RAB5IF: variants seen among roughly 807,000 people sequenced by gnomAD.
RAB5IF encodes the protein RAB5 interacting factor, also known as GEL complex subunit OPTI.
A neutral mutation model predicts 20.3 loss-of-function variants in RAB5IF; 15 were observed. The ratio of observed to expected loss-of-function variants is 0.74; its 90% CI spans 0.50 to 1.14. The LOEUF is 1.14. Among genes scored for constraint, RAB5IF ranks in the 50% most tolerant of loss-of-function variants. The probability of loss-of-function intolerance (pLI) is 0.00; values close to 1 mark genes in which losing one functional copy is unlikely to be tolerated. For missense variants in RAB5IF, 148 were observed against 159.5 expected, an observed-to-expected ratio of 0.93 and a Z score of 0.39; for synonymous variants, 67 against 63.7, an observed-to-expected ratio of 1.05 and a Z score of -0.25.
At chr20:36,610,944 T>A (rs1383494777) in intron 3 of RAB5IF, among the ~76,000 whole-genome samples, 1 of 152,160 alleles carries the variant, frequency 6.6e-6, no homozygotes, top group Non-Finnish European at 1.5e-5. Context: ...TGTTTTGGAA[T>A]CAGTGGTGAT....
At chr20:36,606,981 A>C (rs2038949833) in intron 1 of RAB5IF, among the ~76,000 whole-genome samples, 1 of 152,228 alleles carries the variant, frequency 6.6e-6, no homozygotes, top group Non-Finnish European at 1.5e-5. Flanking sequence ...CAAAACCTGC[A>C]GTCTCTAATC....
intron 1 of RAB5IF, among the ~76,000 whole-genome samples, chr20:36,607,463 C>T (rs2038961273): frequency 6.6e-6 from 1 of 152,118 alleles, no homozygotes; most frequent in Non-Finnish European, 1.5e-5. Flanking sequence ...CTCCTGACAT[C>T]AGGTGATCCA....
intron 1 of RAB5IF, among the ~76,000 whole-genome samples, chr20:36,606,488 G>A (rs534857490): frequency 2.5e-4 from 38 of 152,230 alleles, no homozygotes; most frequent in Non-Finnish European, 4.7e-4. Context: ...TACGTGCCAG[G>A]TGCTCTGCAA....
At chr20:36,609,503 G>C (rs2039057534) in intron 2 of RAB5IF, 98 bp from the exon 3 acceptor site, 9 of 1,475,650 alleles carry the variant, frequency 6.1e-6, no homozygotes, top group Non-Finnish European at 8.1e-6. Context: ...GCCTCCCAAA[G>C]TGCTGGGATT....
At chr20:36,607,871 G>A (rs766073278) in intron 2 of RAB5IF, 53 bp downstream of exon 2, 6 of 1,606,242 alleles carry the variant, frequency 3.7e-6, no homozygotes, top group Non-Finnish European at 5.1e-6. Flanking sequence ...TTAAATAGAG[G>A]CTTTTTTTCC....
chr20:36,609,247 A>ACACACC (rs2039042193), intron 2 of RAB5IF, among the ~76,000 whole-genome samples: 2 of 134,188 alleles, frequency 1.5e-5, no homozygotes, highest in East Asian at 2.1e-4. Flanking sequence ...ACACACACAC[A>ACACACC]CACACACACT....
At position 36,605,895 on chromosome 20, in the gene RAB5IF, AC is replaced by A; in HGVS notation, c.-56del. On this transcript the variant is annotated 5_prime_UTR_variant, in exon 1 of 4. Transcript: ENST00000344795. ...CCGTGACCTGCGACCCTAGACCCCGACTCCCTTTGGCTCAGCCCGCGCGCCC... is the reference window on the plus strand; with the variant it reads ...CCGTGACCTGCGACCCTAGACCCCGATCCCTTTGGCTCAGCCCGCGCGCCC... 4 of 1,061,310 alleles carry A rather than the reference AC, an allele frequency of 3.8e-6. No homozygotes were observed. Among genetic ancestry groups the A allele is most frequent in the Non-Finnish European group, 5.1e-6 (4 of 789,146 alleles). 65.7% of individuals were successfully genotyped at this position (1,061,310 alleles called of 1,614,324 possible).
At chr20:36,609,178 C>CAGAACTATATTACATACAT (rs1568595353) in intron 2 of RAB5IF, among the ~76,000 whole-genome samples, 3 of 31,926 alleles carry the variant, frequency 9.4e-5, no homozygotes, top group Non-Finnish European at 1.8e-4. Flanking sequence ...CACACACACA[C>CAGAACTATATTACATACAT]ACACACACAC....
chr20:36,608,295 A>C (rs907480237), intron 2 of RAB5IF: 1 of 227,706 alleles, frequency 4.4e-6, no homozygotes, highest in African/African-American at 2.3e-5. Context: ...CCCAGGTGGG[A>C]GCACACTGGC....
rs1032483770 is a variant in RAB5IF, at chr20:36,605,871, C to G, written c.-81C>G. The G allele has an allele frequency of 4.0e-6, 3 of 759,400 alleles. No homozygotes were observed. In the African/African-American group the frequency reaches 5.5e-5, roughly 14 times the overall value. The allele number at this position is 759,400 out of a possible 1,614,324, so 47.0% of individuals were successfully genotyped here. A position where few individuals can be genotyped will look rare whatever the true frequency, so the allele number is the denominator to read the frequency against. The stretch of plus-strand genomic sequence containing the variant: ...CGCTGAGCCTGCAGCCGCCCCGCGC[C>G]GTGACCTGCGACCCTAGACCCCGAC... On this transcript the variant is annotated 5_prime_UTR_variant, in exon 1 of 4. Transcript: ENST00000344795.
At chr20:36,608,261 T>C (rs1053191480) in intron 2 of RAB5IF, 3 of 272,368 alleles carry the variant, frequency 1.1e-5, no homozygotes, top group Non-Finnish European at 2.2e-5. Context: ...TTTTGTTTTT[T>C]TGAGATAGGG....
At position 36,609,636 on chromosome 20, in the gene RAB5IF, A is replaced by G; in HGVS notation, c.254A>G (p.Tyr85Cys). ...ATCAATGCAGGAGTCCTGTACCTCT[A>G]CTTCAGCAATTACCTACAGATTGAT... The part of the protein sequence containing the change: ...CLINAGVLYL[Y>C]FSNYLQIDEE... The change falls in exon 3 of 4, where the codon TAC becomes TGC. Residue 85 changes from tyrosine (Y) to cysteine (C), a missense_variant. By Grantham distance (194) the Tyr-to-Cys change is radical. Coordinates refer to ENST00000344795, the MANE Select transcript of RAB5IF (RefSeq NM_018840.5). 1 of 1,612,410 alleles carries G rather than the reference A, an allele frequency of 6.2e-7. No individual in the cohort carries two copies. The highest frequency in any genetic ancestry group is 8.5e-7 in the Non-Finnish European group (1 of 1,179,020).
intron 2 of RAB5IF, among the ~76,000 whole-genome samples, chr20:36,609,160 C>CATACACAT (rs1568595285): frequency 1.8e-5 from 1 of 55,140 alleles, no homozygotes; most frequent in African/African-American, 5.8e-5. Context: ...CTATATTACA[C>CATACACAT]ACACACACAC....
intron 2 of RAB5IF, among the ~76,000 whole-genome samples, chr20:36,608,795 C>T (rs978408403): frequency 4.6e-5 from 7 of 151,630 alleles, no homozygotes; most frequent in Admixed American, 1.3e-4. Context: ...GAATTCCTGA[C>T]CTCAGGTGAT....
At chr20:36,609,221 A>ACACACG (rs2039035421) in intron 2 of RAB5IF, among the ~76,000 whole-genome samples, 11 of 115,226 alleles carry the variant, frequency 9.5e-5, no homozygotes, top group Non-Finnish European at 3.5e-5. Context: ...GCACACACGC[A>ACACACG]CACACACACA....
At chr20:36,609,158 C>CATACATACATACATAT (rs1278640879) in intron 2 of RAB5IF, among the ~76,000 whole-genome samples, 1 of 9,630 alleles carries the variant, frequency 1.0e-4, no homozygotes, top group Non-Finnish European at 1.9e-4. Context: ...AACTATATTA[C>CATACATACATACATAT]ACACACACAC....
chr20:36,612,009 G>A lies in RAB5IF; in HGVS notation c.349-1G>A, dbSNP rs6028358. 6.2e-7 allele frequency: 1 copy of A among 1,614,126 alleles called. No individual in the cohort carries two copies. Among genetic ancestry groups the A allele is most frequent in the Non-Finnish European group, 8.5e-7 (1 of 1,180,042 alleles). On this transcript the variant is annotated splice_acceptor_variant, in intron 3 of 3. Transcript: ENST00000344795. LOFTEE classifies it high-confidence loss of function. ...ATGAACAGTGCTTGTCTCCTCACTA[G>A]GTCATTTGGATCATCTTTTACACTG...
chr20:36,607,624 T>C, intron 1 of RAB5IF, 91 bp from the exon 2 acceptor site: 1 of 1,477,242 alleles, frequency 6.8e-7, no homozygotes, highest in Non-Finnish European at 9.3e-7. Context: ...ATTTCCTGGA[T>C]ATGTTTAGCA....
At chr20:36,611,915 GC>G in intron 3 of RAB5IF, 94 bp from the exon 4 acceptor site, 1 of 1,519,484 alleles carries the variant, frequency 6.6e-7, no homozygotes, top group Middle Eastern at 1.9e-4. Flanking sequence ...CCTGGAGAGT[GC>G]CCCGTGTTTA....
Sources: gnomAD v4.1 joint callset for allele counts (sites outside exome capture counted in the v4.1 genomes callset) on GRCh38, gnomAD v4.1.1 for gene constraint, MANE v1.5 for transcripts, NCBI Gene and HGNC (gene_info 2026-07-23, HGNC 2026-07-21) for gene names.